TRIM42: variants seen among roughly 807,000 people sequenced by gnomAD.
TRIM42 encodes tripartite motif-containing protein 42.
In TRIM42, 59 loss-of-function variants were observed where a neutral mutation model predicts 64.9. The observed-to-expected ratio is 0.91, with a 90% CI of 0.74 to 1.13. The LOEUF is 1.13. TRIM42 is among the 50% of genes most tolerant of loss of function. The pLI is 0.00. For missense variants in TRIM42, 878 were observed against 929.5 expected (o/e 0.94, Z 0.72); for synonymous variants, 354 against 346.3 (o/e 1.02, Z -0.25).
At position 140,682,920 on chromosome 3, in the gene TRIM42, A is replaced by T. The variant is rs778515505; in HGVS notation, c.800A>T (p.His267Leu). The T allele has an allele frequency of 2.5e-6, 4 of 1,614,058 alleles. No homozygotes were observed. Among genetic ancestry groups the T allele is most frequent in the Non-Finnish European group, 2.5e-6 (3 of 1,180,002 alleles). The change falls in exon 2 of 5, where the codon CAC (histidine) becomes CTC (leucine). Residue 267 changes from histidine to leucine, a missense_variant. By Grantham distance (99) the His-to-Leu change is moderately conservative (BLOSUM62 -3). Transcript: ENST00000286349. ...TGCAACGACTGCCTCAAGGCCTTCC[A>T]CTCGGATGTGGCCATGCAAGACCAC... ...NLCNDCLKAF[H>L]SDVAMQDHVF...
At chr3:140,696,334 T>C (rs1172029660) in intron 4 of TRIM42, among the ~76,000 whole-genome samples, 1 of 152,222 alleles carries the variant, frequency 6.6e-6, no homozygotes, top group Non-Finnish European at 1.5e-5. Flanking sequence ...GTTTTTATGA[T>C]CCATCTATGT....
chr3:140,685,866 A>G (rs764557272), intron 2 of TRIM42, among the ~76,000 whole-genome samples: 1 of 152,248 alleles, frequency 6.6e-6, no homozygotes, highest in Non-Finnish European at 1.5e-5. Flanking sequence ...AGTGGAAACA[A>G]TATCTTCATT....
At chr3:140,698,334 A>G (rs1988910205) in intron 4 of TRIM42, among the ~76,000 whole-genome samples, 1 of 152,234 alleles carries the variant, frequency 6.6e-6, no homozygotes, top group Admixed American at 6.5e-5. Flanking sequence ...TTGAACATTT[A>G]CTCAAACCAT....
chr3:140,685,096 A>AT (rs1988516226), intron 2 of TRIM42, among the ~76,000 whole-genome samples: 2 of 152,232 alleles, frequency 1.3e-5, no homozygotes, highest in African/African-American at 4.8e-5. Context: ...TCCTTGCTGA[A>AT]GAAACAGACA....
intron 3 of TRIM42, among the ~76,000 whole-genome samples, chr3:140,688,837 T>C (rs1988634441): frequency 6.6e-6 from 1 of 152,236 alleles, no homozygotes; most frequent in African/African-American, 2.4e-5. Flanking sequence ...AGAACCCAAT[T>C]TGGGAACCAA....
At chr3:140,698,694 T>C (rs1344164459) in intron 4 of TRIM42, among the ~76,000 whole-genome samples, 1 of 152,178 alleles carries the variant, frequency 6.6e-6, no homozygotes, top group Non-Finnish European at 1.5e-5. Context: ...TGGTTTAGAA[T>C]AAAGACTATT....
chr3:140,684,586 C>T (rs1301658207), intron 2 of TRIM42, among the ~76,000 whole-genome samples: 3 of 152,296 alleles, frequency 2.0e-5, no homozygotes, highest in South Asian at 2.1e-4. Flanking sequence ...CACATCACCC[C>T]GGACCTCTCA....
Position 140,688,147 on chromosome 3 carries a change from C to T in TRIM42, c.1465C>T (p.Leu489Phe). The T allele has an allele frequency of 1.2e-6, 2 of 1,614,196 alleles. No homozygotes were observed. The highest frequency in any genetic ancestry group is 1.7e-5 in the Admixed American group (1 of 60,026). ...TGAGCTTTCCAGTGCCATCCATGAG[C>T]TCTTCCCCACAGGGCCCAAGAAGGT... ...FVELSSAIHE[L>F]FPTGPKKVRS... is the part of the protein sequence containing the mutation. Residue 489 changes from leucine to phenylalanine, a missense_variant, in exon 3 of 5, where the codon CTC becomes TTC. Coordinates refer to ENST00000286349, the MANE Select transcript of TRIM42 (RefSeq NM_152616.5).
At chr3:140,688,880 G>A (rs745817359) in intron 3 of TRIM42, among the ~76,000 whole-genome samples, 7 of 152,222 alleles carry the variant, frequency 4.6e-5, no homozygotes, top group Non-Finnish European at 1.0e-4. Context: ...GCAGTGTAAT[G>A]TTTCCCAAAG....
intron 2 of TRIM42, 82 bp from the exon 3 acceptor site, chr3:140,687,640 G>T: frequency 9.8e-7 from 1 of 1,015,300 alleles, no homozygotes; most frequent in East Asian, 2.6e-5. Flanking sequence ...TGGAGCCTAG[G>T]GTAATTTGTT....
intron 4 of TRIM42, among the ~76,000 whole-genome samples, chr3:140,699,800 T>G (rs9852037): frequency 0.41 from 62,892 of 152,078 alleles, 15,743 homozygotes; most frequent in Non-Finnish European, 0.56. Flanking sequence ...TCTAATATCA[T>G]GTATATAATA....
chr3:140,695,090 A>G (rs532842636), intron 4 of TRIM42, among the ~76,000 whole-genome samples: 7 of 151,832 alleles, frequency 4.6e-5, no homozygotes, highest in Non-Finnish European at 7.4e-5. Flanking sequence ...ACTAAAAATT[A>G]AAAAAAAGTC....
intron 1 of TRIM42, among the ~76,000 whole-genome samples, chr3:140,680,235 G>T (rs698666): frequency 0.3 from 46,014 of 151,730 alleles, 7,270 homozygotes; most frequent in East Asian, 0.47. Flanking sequence ...GTGTTAGGAG[G>T]TCGGCTCTGG....
chr3:140,687,375 C>T (rs1200933049), intron 2 of TRIM42, among the ~76,000 whole-genome samples: 1 of 152,242 alleles, frequency 6.6e-6, no homozygotes, highest in Admixed American at 6.5e-5. Flanking sequence ...CATTTTGTGA[C>T]TTCACCTCTT....
chr3:140,700,843 A>G, intron 4 of TRIM42, 45 bp from the exon 5 acceptor site: 1 of 1,571,392 alleles, frequency 6.4e-7, no homozygotes, highest in Non-Finnish European at 8.8e-7. Context: ...GGCTACTGGG[A>G]GCTGTTGTCT....
intron 3 of TRIM42, among the ~76,000 whole-genome samples, chr3:140,689,039 GA>G (rs1345711195): frequency 2.6e-5 from 4 of 152,188 alleles, no homozygotes; most frequent in African/African-American, 9.7e-5. Context: ...CATCCCCAAT[GA>G]AATTTCAACT....
intron 2 of TRIM42, among the ~76,000 whole-genome samples, chr3:140,684,563 C>T (rs1988500146): frequency 2.0e-5 from 3 of 152,306 alleles, no homozygotes; most frequent in African/African-American, 4.8e-5. Context: ...CAGAAACAGG[C>T]TTTGCTAATG....
intron 4 of TRIM42, among the ~76,000 whole-genome samples, chr3:140,700,620 AG>A (rs1258004105): frequency 6.6e-6 from 1 of 152,246 alleles, no homozygotes; most frequent in East Asian, 1.9e-4. Context: ...CACTGTCATC[AG>A]CACTTAGTCA....
At chr3:140,679,670 A>G (rs1237902086) in intron 1 of TRIM42, among the ~76,000 whole-genome samples, 2 of 152,288 alleles carry the variant, frequency 1.3e-5, no homozygotes, top group East Asian at 1.9e-4. Flanking sequence ...AAGTCTAGAA[A>G]TCCTAAAACA....
Sources: gnomAD v4.1 joint callset for allele counts (sites outside exome capture counted in the v4.1 genomes callset) on GRCh38, gnomAD v4.1.1 for gene constraint, MANE v1.5 for transcripts, NCBI Gene and HGNC (gene_info 2026-07-23, HGNC 2026-07-21) for gene names.